The following ETV6 variants were observed in gnomAD, a reference collection of about 807,000 sequenced individuals.
ETV6 encodes transcription factor ETV6.
In ETV6, 16 loss-of-function variants were observed where a neutral mutation model predicts 51.1. The ratio of observed to expected loss-of-function variants is 0.31; its 90% CI spans 0.21 to 0.48. ETV6 has a LOEUF of 0.48. ETV6 is among the 20% of genes least tolerant of loss of function. The pLI, the probability that ETV6 is intolerant of heterozygous loss-of-function variation, is 0.99. For synonymous variants in ETV6, 240 were observed against 224.1 expected (o/e 1.07, Z -0.64); for missense variants, 458 against 594.8 (o/e 0.77, Z 2.39).
At position 11,818,300 on chromosome 12, in the gene ETV6, G is replaced by A. The variant is rs182952945; in HGVS notation, c.164-20840G>A. On this transcript the variant is annotated intron_variant, in intron 2 of 7. Transcript: ENST00000396373. ...TGGGAGGCCAAGGTGAGCAGATCAC[G>A]TGAGGCCAGGAGTTTGAGACCAGCC... 1.1e-4 allele frequency among the ~76,000 whole-genome samples: 16 copies of A among 152,212 alleles called. No individual in the cohort carries two copies. The East Asian group carries it at 1.5e-3, about 15-fold the overall frequency.
intron 1 of ETV6, among the ~76,000 whole-genome samples, chr12:11,720,874 C>CA (rs1371957487): frequency 2.0e-5 from 3 of 151,602 alleles, no homozygotes; most frequent in Non-Finnish European, 2.9e-5. Context: ...AATCAAGAGG[C>CA]AAAAAAACAA....
At chr12:11,847,501 G>A (rs1306246913) in intron 3 of ETV6, among the ~76,000 whole-genome samples, 2 of 152,220 alleles carry the variant, frequency 1.3e-5, no homozygotes, top group Non-Finnish European at 2.9e-5. Context: ...CTACTGAAGG[G>A]CTGGAGAAGG....
chr12:11,761,817 T>C (rs532908371), intron 2 of ETV6, among the ~76,000 whole-genome samples: 1 of 152,368 alleles, frequency 6.6e-6, no homozygotes, highest in East Asian at 1.9e-4. Context: ...ATATGATTCC[T>C]AAGTTCTCCC....
At chr12:11,741,322 A>G (rs543534246) in intron 1 of ETV6, among the ~76,000 whole-genome samples, 3 of 152,200 alleles carry the variant, frequency 2.0e-5, no homozygotes, top group South Asian at 2.1e-4. Flanking sequence ...CCAATCTCCA[A>G]TCTCTCCATT....
intron 1 of ETV6, among the ~76,000 whole-genome samples, chr12:11,705,851 G>A (rs891931352): frequency 1.3e-5 from 2 of 152,208 alleles, no homozygotes; most frequent in Admixed American, 6.5e-5. Context: ...AGCAGGCCAG[G>A]AGTCAGTTCA....
intron 3 of ETV6, among the ~76,000 whole-genome samples, chr12:11,848,624 A>T (rs1946501760): frequency 1.3e-5 from 2 of 152,186 alleles, no homozygotes; most frequent in South Asian, 4.1e-4. Flanking sequence ...GTGTGTGCGC[A>T]CGCGCGTGTG....
chr12:11,744,950 G>A (rs185709222), intron 1 of ETV6, among the ~76,000 whole-genome samples: 1 of 151,898 alleles, frequency 6.6e-6, no homozygotes, highest in Non-Finnish European at 1.5e-5. Flanking sequence ...GTCAAGAATG[G>A]AAAGTATCTT....
At chr12:11,789,585 G>A (rs1181195235) in intron 2 of ETV6, among the ~76,000 whole-genome samples, 1 of 152,158 alleles carries the variant, frequency 6.6e-6, no homozygotes, top group Non-Finnish European at 1.5e-5. Context: ...TCCTGAGAAA[G>A]GGTAGGGGGG....
intron 1 of ETV6, among the ~76,000 whole-genome samples, chr12:11,705,867 C>T (rs1262661795): frequency 6.6e-6 from 1 of 152,202 alleles, no homozygotes; most frequent in Non-Finnish European, 1.5e-5. Context: ...GTTCAGCTGC[C>T]TGTGTTTAAG....
chr12:11,820,178 C>T (rs1591697094), intron 2 of ETV6, among the ~76,000 whole-genome samples: 1 of 152,206 alleles, frequency 6.6e-6, no homozygotes, highest in Non-Finnish European at 1.5e-5. Flanking sequence ...CAAGGTCACA[C>T]AGCTAGGAAG....
chr12:11,665,059 C>G (rs754831323), intron 1 of ETV6, among the ~76,000 whole-genome samples: 11 of 152,146 alleles, frequency 7.2e-5, no homozygotes, highest in Non-Finnish European at 1.5e-4. Flanking sequence ...GCTCTGTGGC[C>G]AAGGCTAGAG....
chr12:11,680,512 G>C (rs1367548444), intron 1 of ETV6, among the ~76,000 whole-genome samples: 1 of 152,146 alleles, frequency 6.6e-6, no homozygotes, highest in Non-Finnish European at 1.5e-5. Flanking sequence ...ATCAGGGCAG[G>C]CATCTCATAT....
In ETV6 at chr12:11,893,318, T is replaced by A. The variant is rs1356282492; in HGVS notation, c.*2272T>A. ...AGGATTAGAGCCTCTCAGTCTGGCC[T>A]CTTCACCCAAGTGCAAGAACTCAGT... is the stretch of plus-strand genomic sequence containing the variant. On this transcript the variant is annotated 3_prime_UTR_variant, in exon 8 of 8. Transcript: ENST00000396373. 1 of 232,050 alleles carries A rather than the reference T, an allele frequency of 4.3e-6. No individual in the cohort carries two copies. Among genetic ancestry groups the A allele is most frequent in the East Asian group, 6.1e-5 (1 of 16,432 alleles). 14.4% of individuals were successfully genotyped at this position (232,050 alleles called of 1,614,324 possible). A position where few individuals can be genotyped will look rare whatever the true frequency, so the allele number is the denominator to read the frequency against.
In ETV6 at chr12:11,891,681, T is replaced by TC. The variant is rs1344304179; in HGVS notation, c.*639dup. ...CTCTCTTGCTCTGTTCTTCCCTTGG[T>TC]CCCCTCTGTCCTCCCGCCCTGCCTG... is the stretch of plus-strand genomic sequence containing the variant. On this transcript the variant is annotated 3_prime_UTR_variant, in exon 8 of 8. Coordinates refer to ENST00000396373, the MANE Select transcript of ETV6 (RefSeq NM_001987.5). The TC allele has an allele frequency of 2.0e-6, 1 of 492,736 alleles. No individual in the cohort carries two copies. The highest frequency in any genetic ancestry group is 1.9e-5 in the African/African-American group (1 of 51,384). 30.5% of individuals were successfully genotyped at this position (492,736 alleles called of 1,614,324 possible).
intron 1 of ETV6, among the ~76,000 whole-genome samples, chr12:11,709,145 A>G (rs994663358): frequency 1.3e-5 from 2 of 152,116 alleles, no homozygotes; most frequent in Admixed American, 1.3e-4. Context: ...ACAAAGCATG[A>G]TGATACAGTG....
chr12:11,891,654 C>T lies in ETV6; in HGVS notation c.*608C>T. On this transcript the variant is annotated 3_prime_UTR_variant, in exon 8 of 8. Coordinates refer to ENST00000396373, the MANE Select transcript of ETV6 (RefSeq NM_001987.5). ...AAATGAAAAGGAGAGCTCTCTTTTT[C>T]TCTCTCTTGCTCTGTTCTTCCCTTG... The T allele has an allele frequency of 1.9e-6, 1 of 519,908 alleles. No homozygotes were observed. Among genetic ancestry groups the T allele is most frequent in the Non-Finnish European group, 3.7e-6 (1 of 270,636 alleles). 32.2% of individuals were successfully genotyped at this position (519,908 alleles called of 1,614,324 possible).
At chr12:11,769,368 A>C (rs1315269932) in intron 2 of ETV6, among the ~76,000 whole-genome samples, 1 of 152,148 alleles carries the variant, frequency 6.6e-6, no homozygotes, top group East Asian at 1.9e-4. Flanking sequence ...ACTATTTTTC[A>C]ATCAAGGCCA....
In ETV6 at chr12:11,713,718, TA is replaced by T. The variant is rs1865216777; in HGVS notation, c.34-38731del. Among the ~76,000 whole-genome samples, 7 of 152,350 alleles carry T rather than the reference TA, an allele frequency of 4.6e-5. No homozygotes were observed. The South Asian group carries it at 1.2e-3, about 27-fold the overall frequency. On this transcript the variant is annotated intron_variant, in intron 1 of 7. Coordinates refer to ENST00000396373, the MANE Select transcript of ETV6 (RefSeq NM_001987.5). Reference sequence around the variant, plus strand: ...TTGCTTTGTTTTTCTTCATAGTCTTTATCTGGAATATATATTTATTTCTGTC... The same window carrying T: ...TTGCTTTGTTTTTCTTCATAGTCTTTTCTGGAATATATATTTATTTCTGTC...
At chr12:11,725,995 C>T (rs1025901076) in intron 1 of ETV6, among the ~76,000 whole-genome samples, 2 of 152,206 alleles carry the variant, frequency 1.3e-5, no homozygotes, top group African/African-American at 4.8e-5. Context: ...TACAACATGA[C>T]TAAGACAGTT....
Sources: gnomAD v4.1 joint callset for allele counts (sites outside exome capture counted in the v4.1 genomes callset) on GRCh38, gnomAD v4.1.1 for gene constraint, MANE v1.5 for transcripts, NCBI Gene and HGNC (gene_info 2026-07-23, HGNC 2026-07-21) for gene names.